Variants in PSMA1 observed in about 807,000 individuals in gnomAD.
The protein encoded by PSMA1 is proteasome 20S subunit alpha 1.
In PSMA1, 3 loss-of-function variants were observed where a neutral mutation model predicts 38.4. The ratio of observed to expected loss-of-function variants is 0.08; its 90% confidence interval spans 0.04 to 0.20. The LOEUF is 0.20. PSMA1 is among the 10% of genes least tolerant of loss of function. The pLI, the probability that PSMA1 is intolerant of heterozygous loss-of-function variation, is 1.00. For synonymous variants in PSMA1, 101 were observed against 107.1 expected (o/e 0.94, Z 0.35); for missense variants, 227 against 325.3 (o/e 0.70, Z 2.32).
intron 2 of PSMA1, among the ~76,000 whole-genome samples, chr11:14,569,711 A>T (rs1227167636): frequency 2.6e-5 from 4 of 152,216 alleles, no homozygotes; most frequent in Non-Finnish European, 5.9e-5. Context: ...AGCAGCCAGG[A>T]AGCTTGAACT....
At chr11:14,609,208 A>C (rs1190963788) in intron 2 of PSMA1, among the ~76,000 whole-genome samples, 1 of 152,220 alleles carries the variant, frequency 6.6e-6, no homozygotes, top group Non-Finnish European at 1.5e-5. Context: ...TACTATAGGA[A>C]AATTATGGTT....
intron 8 of PSMA1, among the ~76,000 whole-genome samples, chr11:14,510,497 T>C (rs1851326645): frequency 6.6e-6 from 1 of 152,194 alleles, no homozygotes; most frequent in Admixed American, 6.5e-5. Context: ...TATCTTTCCC[T>C]ACTAGGATGT....
At chr11:14,580,351 T>C (rs574400351) in intron 2 of PSMA1, among the ~76,000 whole-genome samples, 1 of 152,328 alleles carries the variant, frequency 6.6e-6, no homozygotes, top group Non-Finnish European at 1.5e-5. Context: ...TGCTGTTCCA[T>C]CTGCTTGGAA....
At chr11:14,597,017 C>A (rs374757107) in intron 2 of PSMA1, among the ~76,000 whole-genome samples, 48 of 152,226 alleles carry the variant, frequency 3.2e-4, no homozygotes, top group East Asian at 1.2e-3. Flanking sequence ...TGGTTTTTCT[C>A]CTTGGTTCTG....
upstream of PSMA1, among the ~76,000 whole-genome samples, chr11:14,521,385 G>T (rs1851527624): frequency 1.3e-5 from 2 of 151,412 alleles, no homozygotes; most frequent in Non-Finnish European, 2.9e-5. Context: ...CCAGCCACTC[G>T]GGAAGCTGAT....
chr11:14,573,559 T>C (rs1017820591), intron 2 of PSMA1, among the ~76,000 whole-genome samples: 1 of 152,132 alleles, frequency 6.6e-6, no homozygotes, highest in Admixed American at 6.5e-5. Flanking sequence ...CAATATCATA[T>C]TGAATGGGCA....
chr11:14,615,603 C>A (rs562867870), intron 1 of PSMA1, among the ~76,000 whole-genome samples: 1 of 152,294 alleles, frequency 6.6e-6, no homozygotes, highest in African/African-American at 2.4e-5. Flanking sequence ...GGTGTAGGAG[C>A]AATTTTCACT....
intron 2 of PSMA1, among the ~76,000 whole-genome samples, chr11:14,598,690 TTATC>T (rs1852536445): frequency 6.7e-6 from 1 of 149,860 alleles, no homozygotes; most frequent in South Asian, 2.1e-4. Context: ...TCTTGACTCT[TTATC>T]TAGTTTGCCA....
At chr11:14,518,394 C>T (rs376624865) in intron 2 of PSMA1, among the ~76,000 whole-genome samples, 17 of 152,218 alleles carry the variant, frequency 1.1e-4, no homozygotes, top group African/African-American at 3.9e-4. Context: ...CCACTGCACC[C>T]GGCTGAAAGC....
chr11:14,640,157 G>A (rs2133728390), intron 1 of PSMA1, among the ~76,000 whole-genome samples: 1 of 152,164 alleles, frequency 6.6e-6, no homozygotes, highest in East Asian at 1.9e-4. Context: ...AAGAAGTTAG[G>A]GAATATAATA....
At chr11:14,540,755 A>T (rs1441880201) in intron 2 of PSMA1, among the ~76,000 whole-genome samples, 1 of 152,224 alleles carries the variant, frequency 6.6e-6, no homozygotes, top group Non-Finnish European at 1.5e-5. Context: ...TGTTCTTTTT[A>T]AAAAAGGTAC....
chr11:14,634,195 C>A (rs981295293), intron 1 of PSMA1, among the ~76,000 whole-genome samples: 1 of 152,164 alleles, frequency 6.6e-6, no homozygotes, highest in East Asian at 1.9e-4. Flanking sequence ...AATCATCCCC[C>A]CCGGTCTGTG....
At chr11:14,563,613 A>G (rs971309787) in intron 2 of PSMA1, among the ~76,000 whole-genome samples, 3 of 152,200 alleles carry the variant, frequency 2.0e-5, no homozygotes, top group East Asian at 3.8e-4. Flanking sequence ...GGTCTAAATA[A>G]CATCTTTAAA....
intron 2 of PSMA1, among the ~76,000 whole-genome samples, chr11:14,558,249 C>CAAAAAAA (rs35509045): frequency 3.8e-5 from 3 of 78,008 alleles, no homozygotes; most frequent in Non-Finnish European, 7.2e-5. Flanking sequence ...CCCATCTGCA[C>CAAAAAAA]AAAAAAAAAA....
At chr11:14,591,075 C>T (rs915828857) in intron 2 of PSMA1, among the ~76,000 whole-genome samples, 3 of 152,208 alleles carry the variant, frequency 2.0e-5, no homozygotes, top group South Asian at 2.1e-4. Flanking sequence ...GAGGCGCGAG[C>T]GGGAACCGGG....
chr11:14,515,064 G>A (rs1279000506), intron 4 of PSMA1, among the ~76,000 whole-genome samples: 1 of 152,190 alleles, frequency 6.6e-6, no homozygotes, highest in African/African-American at 2.4e-5. Context: ...TTGGGGAGAA[G>A]AGAATTTATG....
intron 2 of PSMA1, among the ~76,000 whole-genome samples, chr11:14,535,159 GT>G (rs57779498): frequency 6.7e-5 from 10 of 148,372 alleles, no homozygotes; most frequent in East Asian, 2.0e-4. Flanking sequence ...AGAAGCTAAG[GT>G]TTTTTTTTTT....
At chr11:14,530,590 G>A (rs555811421) in intron 2 of PSMA1, among the ~76,000 whole-genome samples, 15 of 152,092 alleles carry the variant, frequency 9.9e-5, no homozygotes, top group Non-Finnish European at 1.9e-4. Context: ...ACACTGACTC[G>A]ATGCTCAATA....
chr11:14,583,991 G>A (rs1251355651), intron 2 of PSMA1, among the ~76,000 whole-genome samples: 1 of 152,178 alleles, frequency 6.6e-6, no homozygotes, highest in African/African-American at 2.4e-5. Context: ...CCCCAGCAGA[G>A]CCAATTACAG....
Sources: allele counts gnomAD v4.1 joint callset (sites outside exome capture counted in the v4.1 genomes callset), GRCh38; gene constraint gnomAD v4.1.1; transcripts MANE v1.5; gene names NCBI Gene and HGNC (gene_info 2026-07-23, HGNC 2026-07-21).